CCDC93: variants seen among roughly 807,000 people sequenced by gnomAD.
CCDC93 encodes CCC complex scaffolding subunit CCDC93.
A neutral mutation model predicts 108.2 loss-of-function variants in CCDC93; 61 were observed. The ratio of observed to expected loss-of-function variants is 0.56; its 90% CI spans 0.46 to 0.70. The LOEUF is 0.70. Among genes scored for constraint, CCDC93 ranks in the 30% least tolerant of loss-of-function variants. The pLI is 0.00. For missense variants in CCDC93, 685 were observed against 764.2 expected (o/e 0.90, Z 1.22); for synonymous variants, 276 against 260.4 (o/e 1.06, Z -0.58).
intron 14 of CCDC93, among the ~76,000 whole-genome samples, chr2:117,948,722 T>C (rs1232087861): frequency 1.3e-5 from 2 of 152,234 alleles, no homozygotes; most frequent in African/African-American, 2.4e-5. Flanking sequence ...GCTCATTCTG[T>C]GCCTGCAACT....
intron 13 of CCDC93, chr2:117,949,630 C>T (rs2104741958): frequency 4.8e-6 from 2 of 418,238 alleles, no homozygotes; most frequent in South Asian, 2.0e-4. Context: ...GTGAAGAAAA[C>T]ACCGTTTCTC....
Position 117,920,246 on chromosome 2 carries a change from CT to C in CCDC93, c.*96del, listed in dbSNP as rs1677814777. On this transcript the variant is annotated 3_prime_UTR_variant, in exon 24 of 24. Transcript: ENST00000376300. Reference sequence around the variant, plus strand: ...GTTGTTGAAATCATCACAACTGCATCTCTCTACTGTCGCTTTCAGAACCATT... The same window carrying C: ...GTTGTTGAAATCATCACAACTGCATCCTCTACTGTCGCTTTCAGAACCATT... 1.1e-5 allele frequency: 8 copies of C among 746,474 alleles called. No homozygotes were observed. The highest frequency in any genetic ancestry group is 1.6e-5 in the Non-Finnish European group (7 of 442,200). The allele number at this position is 746,474 out of a possible 1,614,324, so 46.2% of individuals were successfully genotyped here.
At chr2:118,001,833 T>A (rs796511627) in intron 3 of CCDC93, among the ~76,000 whole-genome samples, 1 of 152,342 alleles carries the variant, frequency 6.6e-6, no homozygotes, top group African/African-American at 2.4e-5. Context: ...CCTTCTCGAA[T>A]CAGTTGGCAT....
At chr2:117,994,022 G>A (rs980036082) in intron 6 of CCDC93, among the ~76,000 whole-genome samples, 3 of 152,166 alleles carry the variant, frequency 2.0e-5, no homozygotes, top group Non-Finnish European at 4.4e-5. Flanking sequence ...GTGAGCCACT[G>A]TGCCAAGCCA....
At chr2:117,953,045 C>T (rs571235263) in intron 12 of CCDC93, among the ~76,000 whole-genome samples, 1 of 152,298 alleles carries the variant, frequency 6.6e-6, no homozygotes, top group South Asian at 2.1e-4. Context: ...ACAGTATATC[C>T]TTGTGTCTAT....
intron 12 of CCDC93, among the ~76,000 whole-genome samples, chr2:117,953,244 T>TA (rs1310714763): frequency 6.6e-6 from 1 of 152,198 alleles, no homozygotes; most frequent in Non-Finnish European, 1.5e-5. Flanking sequence ...CTTGGGCCTG[T>TA]AAGCAGCTTA....
intron 6 of CCDC93, among the ~76,000 whole-genome samples, chr2:117,990,757 A>G (rs1680453865): frequency 6.6e-6 from 1 of 152,146 alleles, no homozygotes; most frequent in Admixed American, 6.5e-5. Context: ...TCAATATACT[A>G]CTGAGCAAAA....
Position 117,916,984 on chromosome 2 carries a change from C to T in CCDC93, c.*3359G>A, listed in dbSNP as rs1273295755. 6.6e-6 allele frequency: 1 copy of T among 152,186 alleles called. No individual in the cohort carries two copies. The highest frequency in any genetic ancestry group is 1.5e-5 in the Non-Finnish European group (1 of 68,038). 9.4% of individuals were successfully genotyped at this position (152,186 alleles called of 1,614,324 possible). A position where few individuals can be genotyped will look rare whatever the true frequency, so the allele number is the denominator to read the frequency against. Reference sequence around the variant, plus strand: ...TTGTACTGTTCTGCATTAAGATGTTCTTTTACTTTGAGGCCAACACCAGCC... The same window carrying T: ...TTGTACTGTTCTGCATTAAGATGTTTTTTTACTTTGAGGCCAACACCAGCC... On this transcript the variant is annotated 3_prime_UTR_variant, in exon 24 of 24. Coordinates refer to ENST00000376300, the MANE Select transcript of CCDC93 (RefSeq NM_019044.5).
At chr2:117,960,070 T>C (rs967456265) in intron 11 of CCDC93, among the ~76,000 whole-genome samples, 2 of 152,224 alleles carry the variant, frequency 1.3e-5, no homozygotes, top group Non-Finnish European at 2.9e-5. Context: ...CTTTTGTATG[T>C]TATGTATTTA....
chr2:117,995,649 T>G, intron 5 of CCDC93, 147 bp from the exon 6 acceptor site: 1 of 649,344 alleles, frequency 1.5e-6, no homozygotes, highest in East Asian at 2.7e-5. Flanking sequence ...TTGTAATATA[T>G]TCTCCATGGG....
intron 23 of CCDC93, among the ~76,000 whole-genome samples, chr2:117,923,160 C>A (rs1677939249): frequency 6.6e-6 from 1 of 152,102 alleles, no homozygotes; most frequent in African/African-American, 2.4e-5. Context: ...CGAATAGGAA[C>A]AGCTCCAGTC....
Position 117,918,120 on chromosome 2 carries a change from G to A in CCDC93, c.*2223C>T, listed in dbSNP as rs1301000005. ...CCAGGTGGCTTCTGAAATGATCAGG[G>A]GCCTTGGGGCATCTCCTTACCCTAT... On this transcript the variant is annotated 3_prime_UTR_variant, in exon 24 of 24. Transcript: ENST00000376300. The A allele has an allele frequency of 6.6e-6, 1 of 152,012 alleles. No individual in the cohort carries two copies. The highest frequency in any genetic ancestry group is 1.5e-5 in the Non-Finnish European group (1 of 68,040). The allele number at this position is 152,012 out of a possible 1,614,324, so 9.4% of individuals were successfully genotyped here. A position where few individuals can be genotyped will look rare whatever the true frequency, so the allele number is the denominator to read the frequency against.
chr2:117,978,207 A>C (rs929078029), intron 7 of CCDC93, among the ~76,000 whole-genome samples, 177 bp from the exon 8 acceptor site: 3 of 152,224 alleles, frequency 2.0e-5, no homozygotes, highest in African/African-American at 7.2e-5. Context: ...CTTTTTAATA[A>C]AGGGCCAGCC....
At chr2:117,950,444 G>C (rs374189280) in intron 13 of CCDC93, 2 of 985,298 alleles carry the variant, frequency 2.0e-6, no homozygotes, top group African/African-American at 3.5e-5. Flanking sequence ...CCTTTCTGAA[G>C]CAGTCATGCA....
At chr2:117,973,843 G>A in intron 11 of CCDC93, 65 bp downstream of exon 11, 1 of 1,243,420 alleles carries the variant, frequency 8.0e-7, no homozygotes, top group African/African-American at 1.5e-5. Flanking sequence ...GTGGGGTAAG[G>A]AAGTGGGAGA....
At chr2:117,963,615 G>A (rs1312679054) in intron 11 of CCDC93, among the ~76,000 whole-genome samples, 2 of 152,186 alleles carry the variant, frequency 1.3e-5, no homozygotes, top group Non-Finnish European at 2.9e-5. Context: ...ACCTTGTTGA[G>A]TCTAAGGCTT....
intron 23 of CCDC93, among the ~76,000 whole-genome samples, chr2:117,922,545 G>A (rs546611693): frequency 5.9e-5 from 9 of 152,218 alleles, no homozygotes; most frequent in East Asian, 1.9e-4. Flanking sequence ...TGGCGCCCAC[G>A]GTGCATAACT....
intron 13 of CCDC93, chr2:117,951,080 C>T (rs1028972540): frequency 2.4e-6 from 2 of 833,046 alleles, no homozygotes; most frequent in Middle Eastern, 6.2e-4. Flanking sequence ...CTTTATAAGT[C>T]ACTTAGTTTA....
At chr2:117,942,333 A>G (rs1268915242) in intron 18 of CCDC93, among the ~76,000 whole-genome samples, 1 of 152,138 alleles carries the variant, frequency 6.6e-6, no homozygotes. Flanking sequence ...TTTAATCGCC[A>G]TCACCTTTCA....
Sources: allele counts gnomAD v4.1 joint callset (sites outside exome capture counted in the v4.1 genomes callset), GRCh38; gene constraint gnomAD v4.1.1; transcripts MANE v1.5; gene names NCBI Gene and HGNC (gene_info 2026-07-23, HGNC 2026-07-21).